Variants in ARHGAP28 observed in about 807,000 individuals in gnomAD.
The protein encoded by ARHGAP28 is Rho GTPase activating protein 28.
ARHGAP28 carries 56 observed loss-of-function variants against 90.7 expected under a neutral mutation model. The ratio of observed to expected loss-of-function variants is 0.62; its 90% CI spans 0.50 to 0.77. ARHGAP28 has a LOEUF of 0.77. Among genes scored for constraint, ARHGAP28 ranks in the 30% least tolerant of loss-of-function variants. The pLI is 0.00. For missense variants in ARHGAP28, 869 were observed against 900.9 expected (o/e 0.96, Z 0.45); for synonymous variants, 308 against 323.3 (o/e 0.95, Z 0.51).
chr18:6,814,529 G>A (rs1305719525), intron 1 of ARHGAP28, among the ~76,000 whole-genome samples: 4 of 152,134 alleles, frequency 2.6e-5, no homozygotes, highest in Non-Finnish European at 4.4e-5. Flanking sequence ...AATAAATGGA[G>A]ACCAGAGATT....
At chr18:6,740,308 G>T (rs2055965483) in intron 1 of ARHGAP28, among the ~76,000 whole-genome samples, 1 of 152,290 alleles carries the variant, frequency 6.6e-6, no homozygotes, top group Admixed American at 6.5e-5. Context: ...CTATGACATT[G>T]TAGAGATCAG....
intron 1 of ARHGAP28, among the ~76,000 whole-genome samples, chr18:6,768,617 C>T (rs186514455): frequency 1.4e-3 from 214 of 152,216 alleles, no homozygotes; most frequent in African/African-American, 4.8e-3. Flanking sequence ...ATGAAGTTGA[C>T]GCTGCACATG....
rs547423305 is a variant in ARHGAP28 at position 6,763,167 on chromosome 18, T to C, written c.122+33224T>C. Among the ~76,000 whole-genome samples, 7 of 152,244 alleles carry C rather than the reference T, an allele frequency of 4.6e-5. No homozygotes were observed. The East Asian group carries it at 1.2e-3, about 25-fold the overall frequency. On this transcript the variant is annotated intron_variant, in intron 1 of 17. Transcript: ENST00000383472. ...GTGCAGTGGCGTGATCTCGGCTCAC[T>C]GCAACTTCTGCCTCAAGCGATTCTC...
chr18:6,775,363 A>C (rs1165855812), intron 1 of ARHGAP28, among the ~76,000 whole-genome samples: 1 of 152,122 alleles, frequency 6.6e-6, no homozygotes, highest in Non-Finnish European at 1.5e-5. Flanking sequence ...ATTGTTCTTA[A>C]GTGTTTTTAC....
At chr18:6,877,765 T>TA (rs926257714) in intron 10 of ARHGAP28, among the ~76,000 whole-genome samples, 1 of 152,148 alleles carries the variant, frequency 6.6e-6, no homozygotes, top group Non-Finnish European at 1.5e-5. Context: ...CATACTCTTC[T>TA]AAAAAAATGT....
chr18:6,749,265 G>A (rs2056049316), intron 1 of ARHGAP28, among the ~76,000 whole-genome samples: 1 of 152,130 alleles, frequency 6.6e-6, no homozygotes, highest in Non-Finnish European at 1.5e-5. Context: ...CAAATTAATA[G>A]CATATCTTAT....
At chr18:6,895,026 A>T (rs528444125) in intron 15 of ARHGAP28, 135 bp downstream of exon 15, 1 of 882,746 alleles carries the variant, frequency 1.1e-6, no homozygotes, top group South Asian at 1.5e-5. Context: ...CACATAAAGG[A>T]ATGGTAGAGG....
chr18:6,896,647 G>T (rs751051389), intron 16 of ARHGAP28, 21 bp downstream of exon 16: 15 of 1,613,118 alleles, frequency 9.3e-6, no homozygotes, highest in Non-Finnish European at 1.3e-5. Context: ...GTGAATGAAG[G>T]TCTCTGCACA....
intron 1 of ARHGAP28, among the ~76,000 whole-genome samples, chr18:6,762,596 G>A (rs2056170640): frequency 6.6e-6 from 1 of 151,764 alleles, no homozygotes; most frequent in South Asian, 2.1e-4. Context: ...CTAATCCCCA[G>A]TACCTCAGAA....
At chr18:6,856,136 C>T (rs563943822) in intron 4 of ARHGAP28, among the ~76,000 whole-genome samples, 1 of 152,314 alleles carries the variant, frequency 6.6e-6, no homozygotes, top group East Asian at 1.9e-4. Context: ...AAAGCGACAC[C>T]CTAAGGATTC....
intron 2 of ARHGAP28, among the ~76,000 whole-genome samples, chr18:6,828,384 G>GGAGGAGAGAGGAGA (rs371085342): frequency 2.0e-4 from 31 of 151,632 alleles, no homozygotes; most frequent in African/African-American, 6.8e-4. Flanking sequence ...GAGAGACAGA[G>GGAGGAGAGAGGAGA]GAGGAGAGAG....
intron 4 of ARHGAP28, among the ~76,000 whole-genome samples, chr18:6,851,681 A>T (rs1770339306): frequency 6.6e-6 from 1 of 152,236 alleles, no homozygotes; most frequent in Admixed American, 6.5e-5. Flanking sequence ...GATAAAAAAA[A>T]TTGTGGTATA....
chr18:6,889,596 T>C (rs573107483), intron 12 of ARHGAP28, among the ~76,000 whole-genome samples: 1 of 152,360 alleles, frequency 6.6e-6, no homozygotes, highest in African/African-American at 2.4e-5. Flanking sequence ...ATTTTAACAT[T>C]TGTCAGACTC....
At chr18:6,761,728 T>C (rs554026298) in intron 1 of ARHGAP28, among the ~76,000 whole-genome samples, 1 of 152,348 alleles carries the variant, frequency 6.6e-6, no homozygotes, top group Admixed American at 6.5e-5. Flanking sequence ...CAGCCCAGCC[T>C]CCTTCCTGAA....
At chr18:6,787,057 T>C (rs1362790847) in intron 1 of ARHGAP28, among the ~76,000 whole-genome samples, 2 of 151,758 alleles carry the variant, frequency 1.3e-5, no homozygotes, top group African/African-American at 2.4e-5. Context: ...CCGTCTCTAC[T>C]AAAAACACAA....
intron 3 of ARHGAP28, among the ~76,000 whole-genome samples, chr18:6,838,665 A>G (rs2056772673): frequency 1.3e-5 from 2 of 152,238 alleles, no homozygotes; most frequent in Non-Finnish European, 2.9e-5. Context: ...TTAAATATGA[A>G]CAGTCACATG....
At chr18:6,811,727 C>CT (rs150987487) in intron 1 of ARHGAP28, among the ~76,000 whole-genome samples, 11,261 of 151,182 alleles carry the variant, frequency 0.074, 1,263 homozygotes, top group African/African-American at 0.25. Flanking sequence ...GCTGTTTTTT[C>CT]TTTTTTTTAA....
At chr18:6,827,015 G>C (rs1188261123) in intron 2 of ARHGAP28, among the ~76,000 whole-genome samples, 1 of 152,160 alleles carries the variant, frequency 6.6e-6, no homozygotes, top group Admixed American at 6.5e-5. Flanking sequence ...TAAGGTCACA[G>C]ATCAACAGGA....
intron 7 of ARHGAP28, among the ~76,000 whole-genome samples, chr18:6,871,399 A>G (rs1567977250): frequency 6.6e-6 from 1 of 152,224 alleles, no homozygotes; most frequent in South Asian, 2.1e-4. Flanking sequence ...TAAGCCACAT[A>G]TCAGAAGAGG....
Sources: allele counts gnomAD v4.1 joint callset (sites outside exome capture counted in the v4.1 genomes callset), GRCh38; gene constraint gnomAD v4.1.1; transcripts MANE v1.5; gene names NCBI Gene and HGNC (gene_info 2026-07-23, HGNC 2026-07-21).